The following HDAC8 variants were observed in gnomAD, a reference collection of about 807,000 sequenced individuals.
The protein encoded by HDAC8 is histone deacetylase-like 1.
In HDAC8, 1 loss-of-function variant was observed where a neutral mutation model predicts 32.2. The observed-to-expected ratio is 0.03, with a 90% confidence interval of 0.01 to 0.15. The LOEUF (loss-of-function observed/expected upper bound fraction) is 0.15. Among genes scored for constraint, HDAC8 ranks in the 10% least tolerant of loss-of-function variants. HDAC8 has a pLI of 1.00. For synonymous variants in HDAC8, 108 were observed against 113.9 expected, an observed-to-expected ratio of 0.95 and a Z score of 0.33; for missense variants, 117 against 300.0, an observed-to-expected ratio of 0.39 and a Z score of 4.51.
intron 4 of HDAC8, among the ~76,000 whole-genome samples, chrX:72,559,863 C>G (rs1028416664): frequency 3.7e-4 from 41 of 110,723 alleles, no homozygotes; most frequent in African/African-American, 1.3e-3. Context: ...TGAGGAGCGT[C>G]TCCGCCTGGC....
At chrX:72,487,648 C>A (rs1490851296) in intron 7 of HDAC8, among the ~76,000 whole-genome samples, 1 of 107,602 alleles carries the variant, frequency 9.3e-6, no homozygotes, top group African/African-American at 3.4e-5. Flanking sequence ...TGAGTGCTGA[C>A]CTTTCAATTA....
chrX:72,330,946 C>CTTTTTTTTTTTTTTTTTTTTTTT (rs66720533), intron 10 of HDAC8: 1 of 55,648 alleles, frequency 1.8e-5, no homozygotes, highest in Non-Finnish European at 3.8e-5. Context: ...ACTTGCCTAT[C>CTTTTTTTTTTTTTTTTTTTTTTT]TTTTTTTTTT....
chrX:72,419,736 T>G (rs1362847530), intron 9 of HDAC8, among the ~76,000 whole-genome samples: 1 of 111,636 alleles, frequency 9.0e-6, no homozygotes, highest in East Asian at 2.8e-4. Flanking sequence ...ACATTAGCTG[T>G]AGGTTTTTCA....
At chrX:72,527,036 T>C (rs1335371033) in intron 4 of HDAC8, among the ~76,000 whole-genome samples, 2 of 111,630 alleles carry the variant, frequency 1.8e-5, no homozygotes, top group Non-Finnish European at 3.8e-5. Flanking sequence ...TAATGATCTT[T>C]TCTAGCTTCC....
rs782773266 is a variant in HDAC8 at position 72,461,055 on chromosome X, A to T, written c.1005+949T>A. ...AGGAAATTAGTTTAAGTTGTTTCTA[A>T]TTTTTAAAAAATAATAGCAACTTTA... On this transcript the variant is annotated intron_variant, in intron 9 of 10. Transcript: ENST00000373573. Among the ~76,000 whole-genome samples the T allele has an allele frequency of 5.3e-5, 6 of 112,156 alleles. No individual in the cohort carries two copies. In the South Asian group the frequency reaches 2.2e-3, roughly 42 times the overall value.
chrX:72,357,868 C>T (rs2044418505), intron 9 of HDAC8, among the ~76,000 whole-genome samples: 3 of 110,825 alleles, frequency 2.7e-5, no homozygotes, highest in Non-Finnish European at 3.8e-5. Flanking sequence ...GTTTGAGGCG[C>T]GAAAGCAAAC....
rs782149151 is a variant in HDAC8 at position 72,489,013 on chromosome X, T to C, written c.657A>G (p.Leu219=). ...TTACACTGTAGTACCGTCCCTTCCC[T>C]AGGCCAACATCAGACACGTCACCTG... is the stretch of plus-strand genomic sequence containing the variant. The part of the protein sequence containing the change: ...PGTGDVSDVG[L]GKGRYYSVNV... The change falls in exon 7 of 11, where the codon CTA becomes CTG. Residue 219 remains leucine, a synonymous_variant. Transcript: ENST00000373573. The C allele has an allele frequency of 8.4e-7, 1 of 1,196,337 alleles. No individual in the cohort carries two copies. Among genetic ancestry groups the C allele is most frequent in the Non-Finnish European group, 1.1e-6 (1 of 886,650 alleles).
intron 7 of HDAC8, among the ~76,000 whole-genome samples, chrX:72,483,164 T>C (rs1050145658): frequency 1.8e-5 from 2 of 112,054 alleles, no homozygotes; most frequent in African/African-American, 6.5e-5. Context: ...CTATGTAGCT[T>C]GGTAGCTCCT....
At position 72,572,828 on chromosome X, in the gene HDAC8, C is replaced by T; in HGVS notation, c.-67G>A. The T allele has an allele frequency of 1.1e-6, 1 of 905,980 alleles. No homozygotes were observed. The highest frequency in any genetic ancestry group is 1.6e-6 in the Non-Finnish European group (1 of 621,884). 74.7% of individuals were successfully genotyped at this position (905,980 alleles called of 1,213,427 possible). ...CTTTTTTCGGACTCGGCCAGGGTTC[C>T]AGTTCCTGCTCCTCTGATCGGCCGC... is the stretch of plus-strand genomic sequence containing the variant. On this transcript the variant is annotated 5_prime_UTR_variant, in exon 1 of 11. Transcript: ENST00000373573.
At chrX:72,505,175 T>C (rs1006995159) in intron 4 of HDAC8, among the ~76,000 whole-genome samples, 5 of 111,631 alleles carry the variant, frequency 4.5e-5, no homozygotes. Context: ...TGCACATATT[T>C]TCTCCGATTC....
In HDAC8 at chrX:72,572,819, C is replaced by T; in HGVS notation, c.-58G>A. ...CAGATCTGGCTTTTTTCGGACTCGG[C>T]CAGGGTTCCAGTTCCTGCTCCTCTG... is the stretch of plus-strand genomic sequence containing the variant. On this transcript the variant is annotated 5_prime_UTR_variant, in exon 1 of 11. Coordinates refer to ENST00000373573, the MANE Select transcript of HDAC8 (RefSeq NM_018486.3). 1.0e-6 allele frequency: 1 copy of T among 970,600 alleles called. No homozygotes were observed. The highest frequency in any genetic ancestry group is 2.0e-5 in the South Asian group (1 of 51,227). The allele number at this position is 970,600 out of a possible 1,213,427, so 80.0% of individuals were successfully genotyped here. A position where few individuals can be genotyped will look rare whatever the true frequency, so the allele number is the denominator to read the frequency against.
chrX:72,468,251 T>C (rs2048074210), intron 7 of HDAC8, among the ~76,000 whole-genome samples: 1 of 111,734 alleles, frequency 8.9e-6, no homozygotes, highest in Non-Finnish European at 1.9e-5. Context: ...AGCTTTTTGC[T>C]CTTGCATGTA....
chrX:72,549,311 C>T (rs185183047), intron 4 of HDAC8, among the ~76,000 whole-genome samples: 6 of 109,936 alleles, frequency 5.5e-5, no homozygotes, highest in African/African-American at 1.7e-4. Flanking sequence ...GTTCCCCCCC[C>T]GCCTTATTAT....
chrX:72,368,230 C>A (rs1484236149), intron 9 of HDAC8, among the ~76,000 whole-genome samples: 2 of 111,993 alleles, frequency 1.8e-5, no homozygotes, highest in Non-Finnish European at 3.8e-5. Flanking sequence ...GAATGCCCAG[C>A]CCTCCCTTCT....
At chrX:72,377,801 C>T (rs2045128918) in intron 9 of HDAC8, among the ~76,000 whole-genome samples, 1 of 111,547 alleles carries the variant, frequency 9.0e-6, no homozygotes, top group African/African-American at 3.3e-5. Flanking sequence ...TAATCATTTA[C>T]ATTTAATATA....
chrX:72,340,162 C>T (rs1357691156), intron 10 of HDAC8, among the ~76,000 whole-genome samples: 3 of 111,792 alleles, frequency 2.7e-5, no homozygotes, highest in Non-Finnish European at 5.6e-5. Flanking sequence ...CCTCCTGTGC[C>T]TAAATCTGCT....
At chrX:72,413,301 T>C (rs1414041338) in intron 9 of HDAC8, among the ~76,000 whole-genome samples, 1 of 77,191 alleles carries the variant, frequency 1.3e-5, no homozygotes, top group African/African-American at 5.4e-5. Flanking sequence ...CGGTGTGTGA[T>C]GTTCCCCTTC....
intron 7 of HDAC8, among the ~76,000 whole-genome samples, chrX:72,483,080 C>T (rs1468459514): frequency 9.0e-6 from 1 of 111,720 alleles, no homozygotes; most frequent in Admixed American, 9.5e-5. Context: ...GAATAAAATG[C>T]TTTTATTATA....
intron 1 of HDAC8, chrX:72,572,437 C>G (rs2052128184): frequency 2.4e-6 from 1 of 418,357 alleles, no homozygotes; most frequent in Non-Finnish European, 4.1e-6. Flanking sequence ...CCACTCCTAC[C>G]TGTCCATTGG....
Sources: allele counts gnomAD v4.1 joint callset (sites outside exome capture counted in the v4.1 genomes callset), GRCh38; gene constraint gnomAD v4.1.1; transcripts MANE v1.5; gene names NCBI Gene and HGNC (gene_info 2026-07-23, HGNC 2026-07-21).